Variants in IL1RAPL2 observed in about 807,000 individuals in gnomAD.
IL1RAPL2 encodes X-linked interleukin-1 receptor accessory protein-like 2.
Under a neutral mutation model 44.1 loss-of-function variants are expected in IL1RAPL2, and 3 were observed. The observed-to-expected ratio is 0.07, with a 90% CI of 0.03 to 0.18. The LOEUF (loss-of-function observed/expected upper bound fraction) is 0.18, where lower values mean the gene tolerates loss of function less well. Ranked by LOEUF, IL1RAPL2 falls within the 10% of genes least tolerant of loss-of-function variation. The pLI, the probability that IL1RAPL2 is intolerant of heterozygous loss-of-function variation, is 1.00. For missense variants in IL1RAPL2, 391 were observed against 496.4 expected, an observed-to-expected ratio of 0.79 and a Z score of 2.02; for synonymous variants, 181 against 178.8, an observed-to-expected ratio of 1.01 and a Z score of -0.10.
intron 1 of IL1RAPL2, among the ~76,000 whole-genome samples, chrX:104,610,590 G>T (rs778106809): frequency 4.5e-5 from 5 of 111,799 alleles, no homozygotes; most frequent in African/African-American, 1.6e-4. Context: ...AGGACCTCTT[G>T]AAGGAGAACT....
At chrX:105,747,535 T>TC (rs2038558783) in intron 8 of IL1RAPL2, among the ~76,000 whole-genome samples, 1 of 67,481 alleles carries the variant, frequency 1.5e-5, no homozygotes, top group African/African-American at 4.5e-5. Flanking sequence ...TATATATATA[T>TC]ACACACACAC....
chrX:105,328,218 A>G (rs956928671), intron 5 of IL1RAPL2, among the ~76,000 whole-genome samples: 5 of 112,212 alleles, frequency 4.5e-5, no homozygotes, highest in Non-Finnish European at 9.4e-5. Context: ...CCTAGGAGGA[A>G]GTTGTAACAG....
At chrX:105,259,697 G>A (rs1245842229) in intron 4 of IL1RAPL2, among the ~76,000 whole-genome samples, 1 of 111,306 alleles carries the variant, frequency 9.0e-6, no homozygotes, top group African/African-American at 3.3e-5. Context: ...GCTTGCTGGT[G>A]GTGTGGTTAA....
At chrX:105,588,826 T>C (rs1414582210) in intron 6 of IL1RAPL2, among the ~76,000 whole-genome samples, 2 of 112,165 alleles carry the variant, frequency 1.8e-5, no homozygotes, top group Non-Finnish European at 3.8e-5. Context: ...GTCTTTGCTA[T>C]TGTGAATAGT....
chrX:104,638,636 G>A (rs1374358423), intron 1 of IL1RAPL2, among the ~76,000 whole-genome samples: 4 of 111,489 alleles, frequency 3.6e-5, no homozygotes, highest in Non-Finnish European at 7.5e-5. Flanking sequence ...AGGAGCATGT[G>A]GTTTAATATC....
At chrX:104,892,134 A>G (rs1256447682) in intron 2 of IL1RAPL2, among the ~76,000 whole-genome samples, 2 of 111,542 alleles carry the variant, frequency 1.8e-5, no homozygotes, top group African/African-American at 6.5e-5. Context: ...CTTGCATCCC[A>G]GGGATGAAGC....
intron 2 of IL1RAPL2, among the ~76,000 whole-genome samples, chrX:104,753,283 A>G (rs1469021903): frequency 9.0e-6 from 1 of 110,590 alleles, no homozygotes; most frequent in Non-Finnish European, 1.9e-5. Context: ...GAAACAATCT[A>G]CACGAGGATT....
chrX:104,924,185 A>G (rs1267066636), intron 2 of IL1RAPL2, among the ~76,000 whole-genome samples: 1 of 111,644 alleles, frequency 9.0e-6, no homozygotes, highest in Non-Finnish European at 1.9e-5. Flanking sequence ...ACCCAAAGAA[A>G]AAACACTGAT....
intron 2 of IL1RAPL2, among the ~76,000 whole-genome samples, chrX:104,759,211 G>T (rs1932388952): frequency 8.9e-6 from 1 of 112,416 alleles, no homozygotes. Flanking sequence ...ATGAATACAG[G>T]TCTTGGAGTT....
Position 105,652,256 on chromosome X carries a change from C to T in IL1RAPL2, c.773-65111C>T, listed in dbSNP as rs772968281. The stretch of plus-strand genomic sequence containing the variant: ...GCAAGAACCCATCAAATGCCAGAGG[C>T]TCCTCACTGCCTAAACAAAATTCTT... On this transcript the variant is annotated intron_variant, in intron 6 of 10. Transcript: ENST00000372582. Among the ~76,000 whole-genome samples the T allele has an allele frequency of 9.0e-5, 10 of 111,715 alleles. No individual in the cohort carries two copies. In the Admixed American group the frequency reaches 9.5e-4, roughly 11 times the overall value.
intron 2 of IL1RAPL2, among the ~76,000 whole-genome samples, chrX:104,988,712 A>C (rs2030606103): frequency 8.9e-6 from 1 of 112,207 alleles, no homozygotes; most frequent in South Asian, 3.6e-4. Context: ...CACATATTAA[A>C]ATGCTTTTTA....
intron 2 of IL1RAPL2, among the ~76,000 whole-genome samples, chrX:104,745,568 T>C (rs902247937): frequency 8.9e-6 from 1 of 112,465 alleles, no homozygotes; most frequent in African/African-American, 3.2e-5. Context: ...GCACCTGTAT[T>C]GAAGTTTAAT....
chrX:105,373,464 G>A (rs775856368), intron 5 of IL1RAPL2, among the ~76,000 whole-genome samples: 3 of 111,267 alleles, frequency 2.7e-5, no homozygotes, highest in East Asian at 5.7e-4. Flanking sequence ...CCATTCCTTA[G>A]GTTGTCTGTT....
intron 9 of IL1RAPL2, among the ~76,000 whole-genome samples, chrX:105,752,013 C>A: frequency 8.9e-6 from 1 of 111,938 alleles, no homozygotes; most frequent in Admixed American, 9.5e-5. Flanking sequence ...AAAATAAAAT[C>A]CATCCAACAA....
At chrX:105,018,230 T>A (rs1344956670) in intron 2 of IL1RAPL2, among the ~76,000 whole-genome samples, 2 of 111,806 alleles carry the variant, frequency 1.8e-5, no homozygotes, top group African/African-American at 6.5e-5. Flanking sequence ...AAGCACTGCA[T>A]GATCTGAACT....
At chrX:105,036,790 A>T (rs2031637401) in intron 2 of IL1RAPL2, among the ~76,000 whole-genome samples, 1 of 111,964 alleles carries the variant, frequency 8.9e-6, no homozygotes, top group African/African-American at 3.2e-5. Flanking sequence ...GATGCACAAA[A>T]ATTAGCCATG....
intron 2 of IL1RAPL2, among the ~76,000 whole-genome samples, chrX:104,807,046 G>C (rs1257958361): frequency 9.0e-6 from 1 of 110,642 alleles, no homozygotes. Context: ...CTAGAGGGAT[G>C]GTATGAATAG....
At chrX:105,725,830 G>T (rs1339979787) in intron 7 of IL1RAPL2, among the ~76,000 whole-genome samples, 1 of 111,880 alleles carries the variant, frequency 8.9e-6, no homozygotes, top group Non-Finnish European at 1.9e-5. Flanking sequence ...ACTGGAAGAA[G>T]AAATACAGAT....
At chrX:105,260,704 G>A (rs1189253285) in intron 4 of IL1RAPL2, among the ~76,000 whole-genome samples, 1 of 112,289 alleles carries the variant, frequency 8.9e-6, no homozygotes, top group Non-Finnish European at 1.9e-5. Context: ...CCACGTTTTG[G>A]TAGAGCAGCT....
Sources: gnomAD v4.1 joint callset for allele counts (sites outside exome capture counted in the v4.1 genomes callset) on GRCh38, gnomAD v4.1.1 for gene constraint, MANE v1.5 for transcripts, NCBI Gene and HGNC (gene_info 2026-07-23, HGNC 2026-07-21) for gene names.